NFATC3: variants seen among roughly 807,000 people sequenced by gnomAD.
NFATC3 encodes the protein nuclear factor of activated T cells 3, also known as nuclear factor of activated T-cells, cytoplasmic 3.
NFATC3 carries 46 observed loss-of-function variants against 98.6 expected under a neutral mutation model. That is an observed-to-expected ratio of 0.47 (90% confidence interval 0.37 to 0.60). The LOEUF is 0.60. Ranked by LOEUF, NFATC3 falls within the 20% of genes least tolerant of loss-of-function variation. The pLI is 0.00. For missense variants in NFATC3, 1,256 were observed against 1,295.5 expected, an observed-to-expected ratio of 0.97 and a Z score of 0.47; for synonymous variants, 512 against 472.2, an observed-to-expected ratio of 1.08 and a Z score of -1.09.
intron 8 of NFATC3, among the ~76,000 whole-genome samples, chr16:68,190,320 T>G (rs1307477291): frequency 2.0e-5 from 3 of 152,212 alleles, no homozygotes; most frequent in Non-Finnish European, 4.4e-5. Flanking sequence ...CCAGATGACT[T>G]GGTAGGCTTC....
chr16:68,152,957 T>C (rs1005698281), intron 3 of NFATC3, among the ~76,000 whole-genome samples: 3 of 152,126 alleles, frequency 2.0e-5, no homozygotes, highest in African/African-American at 7.2e-5. Context: ...TAAAACTCAA[T>C]AGTGTTTCAA....
intron 9 of NFATC3, among the ~76,000 whole-genome samples, chr16:68,194,581 T>C (rs1160343776): frequency 6.6e-6 from 1 of 152,226 alleles, no homozygotes; most frequent in East Asian, 1.9e-4. Flanking sequence ...AGACTAACTC[T>C]TCACATTGCT....
chr16:68,161,791 C>A (rs1356719948), intron 4 of NFATC3, among the ~76,000 whole-genome samples: 1 of 151,878 alleles, frequency 6.6e-6, no homozygotes, highest in Admixed American at 6.6e-5. Context: ...TGCCTCATAT[C>A]CTTTCTGAAA....
intron 3 of NFATC3, among the ~76,000 whole-genome samples, chr16:68,145,867 C>G (rs2038015643): frequency 6.6e-6 from 1 of 152,110 alleles, no homozygotes; most frequent in Non-Finnish European, 1.5e-5. Flanking sequence ...GACCTGTAGT[C>G]TAGTTAGCAG....
chr16:68,167,143 T>C, intron 5 of NFATC3, 128 bp downstream of exon 5: 1 of 928,690 alleles, frequency 1.1e-6, no homozygotes, highest in Non-Finnish European at 1.6e-6. Context: ...GGTTTGATTT[T>C]CTCATGTGGA....
Position 68,183,237 on chromosome 16 carries a change from T to C in NFATC3, c.1972-3T>C, listed in dbSNP as rs1330035217. The C allele has an allele frequency of 1.3e-6, 2 of 1,577,088 alleles. No homozygotes were observed. Among genetic ancestry groups the C allele is most frequent in the Non-Finnish European group, 8.6e-7 (1 of 1,167,718 alleles). On this transcript the variant is annotated splice_polypyrimidine_tract_variant and splice_region_variant and intron_variant, in intron 7 of 9. Transcript: ENST00000346183. ...GTAACACAATCTTGCTTTCCATCCT[T>C]AGGCTCACATTGTCCTTGAAGTTCC...
chr16:68,144,035 A>C (rs2037901154), intron 3 of NFATC3, among the ~76,000 whole-genome samples: 1 of 152,202 alleles, frequency 6.6e-6, no homozygotes, highest in Non-Finnish European at 1.5e-5. Context: ...TAGCTCCGTG[A>C]AAGATGCTAT....
At chr16:68,217,514 G>A (rs2041684993) in intron 9 of NFATC3, among the ~76,000 whole-genome samples, 3 of 150,856 alleles carry the variant, frequency 2.0e-5, no homozygotes. Context: ...AGCTCAAGCT[G>A]GTTTTCTTGC....
At chr16:68,200,536 C>T (rs2040868023) in intron 9 of NFATC3, 1 of 152,076 alleles carries the variant, frequency 6.6e-6, no homozygotes, top group Non-Finnish European at 1.5e-5. Flanking sequence ...AAGCATTTCT[C>T]AGTCTCAGGC....
chr16:68,163,295 C>A (rs1294701735), intron 4 of NFATC3, among the ~76,000 whole-genome samples: 2 of 151,942 alleles, frequency 1.3e-5, no homozygotes, highest in Non-Finnish European at 2.9e-5. Flanking sequence ...AGGGGCTCCT[C>A]ACTTCCCAGT....
In NFATC3 at chr16:68,102,601, C is replaced by T. The variant is rs574162491; in HGVS notation, c.103+16817C>T. The stretch of plus-strand genomic sequence containing the variant: ...TCCTCTGAGTCTTTTAGGTTCTTCT[C>T]TTTGTCCTTTGTGTTCTGATTTTTT... On this transcript the variant is annotated intron_variant, in intron 1 of 9. Transcript: ENST00000346183. 5.3e-5 allele frequency among the ~76,000 whole-genome samples: 8 copies of T among 152,108 alleles called. No homozygotes were observed. In the East Asian group the frequency reaches 1.2e-3, roughly 22 times the overall value.
chr16:68,145,335 G>T lies in NFATC3; in HGVS notation c.1402-12534G>T, dbSNP rs144967816. 1.6e-4 allele frequency among the ~76,000 whole-genome samples: 25 copies of T among 152,044 alleles called. No homozygotes were observed. The East Asian group carries it at 4.3e-3, about 26-fold the overall frequency. ...TTTTTATGTTTTTTGTAGAGATGGG[G>T]TTTCACCATCTTGTCCAGGCAGGCT... On this transcript the variant is annotated intron_variant, in intron 3 of 9. Coordinates refer to ENST00000346183, the MANE Select transcript of NFATC3 (RefSeq NM_173165.3).
intron 3 of NFATC3, among the ~76,000 whole-genome samples, chr16:68,144,799 A>T (rs748927625): frequency 3.3e-5 from 5 of 152,086 alleles, no homozygotes; most frequent in Non-Finnish European, 7.3e-5. Context: ...CTGGGATTAC[A>T]GGTGCCTGCC....
intron 7 of NFATC3, among the ~76,000 whole-genome samples, chr16:68,182,907 A>G (rs1399105030): frequency 6.6e-6 from 1 of 152,246 alleles, no homozygotes; most frequent in Admixed American, 6.5e-5. Context: ...ATTAAAAATC[A>G]GAATGAATTT....
At chr16:68,099,250 C>T (rs1292677075) in intron 1 of NFATC3, among the ~76,000 whole-genome samples, 1 of 151,870 alleles carries the variant, frequency 6.6e-6, no homozygotes, top group South Asian at 2.1e-4. Flanking sequence ...CCTGGCCAAC[C>T]TGGTGAAACC....
intron 2 of NFATC3, among the ~76,000 whole-genome samples, chr16:68,123,550 T>C (rs1212583416): frequency 2.7e-5 from 4 of 150,514 alleles, no homozygotes; most frequent in Admixed American, 2.7e-4. Flanking sequence ...CCTGTAGTCC[T>C]AGCTGCTTGG....
chr16:68,205,474 CT>C (rs2041108839), intron 9 of NFATC3, among the ~76,000 whole-genome samples: 1 of 152,118 alleles, frequency 6.6e-6, no homozygotes, highest in Admixed American at 6.6e-5. Flanking sequence ...TGGTCTCGGC[CT>C]CCCAAAGTGC....
chr16:68,168,554 T>C (rs151071830), intron 5 of NFATC3, among the ~76,000 whole-genome samples: 1,983 of 151,970 alleles, frequency 0.013, 43 homozygotes, highest in African/African-American at 0.045. Flanking sequence ...GGCACGATCT[T>C]GGCTCACTGC....
intron 4 of NFATC3, among the ~76,000 whole-genome samples, chr16:68,161,689 T>C (rs1016291535): frequency 6.6e-6 from 1 of 152,250 alleles, no homozygotes; most frequent in African/African-American, 2.4e-5. Context: ...TATAGTAATT[T>C]GTACAACTCT....
Sources: gnomAD v4.1 joint callset for allele counts (sites outside exome capture counted in the v4.1 genomes callset) on GRCh38, gnomAD v4.1.1 for gene constraint, MANE v1.5 for transcripts, NCBI Gene and HGNC (gene_info 2026-07-23, HGNC 2026-07-21) for gene names.